Variants in CRPPA observed in about 807,000 individuals in gnomAD.
CRPPA encodes CDP-L-ribitol pyrophosphorylase A, also known as D-ribitol-5-phosphate cytidylyltransferase.
A neutral mutation model predicts 52.0 loss-of-function variants in CRPPA; 43 were observed. The observed-to-expected ratio is 0.83, with a 90% CI of 0.65 to 1.07. The LOEUF is 1.07. Ranked by LOEUF, CRPPA falls within the 50% of genes least tolerant of loss-of-function variation. The probability of loss-of-function intolerance (pLI) is 0.00; values close to 1 mark genes in which losing one functional copy is unlikely to be tolerated. For synonymous variants in CRPPA, 250 were observed against 203.5 expected (o/e 1.23, Z -1.94); for missense variants, 629 against 551.7 (o/e 1.14, Z -1.40).
At position 16,339,476 on chromosome 7, in the gene CRPPA, C is replaced by G. The variant is rs540612760; in HGVS notation, c.685-30849G>C. Among the ~76,000 whole-genome samples the G allele has an allele frequency of 3.9e-5, 6 of 152,072 alleles. No homozygotes were observed. In the East Asian group the frequency reaches 1.2e-3, roughly 30 times the overall value. On this transcript the variant is annotated intron_variant, in intron 3 of 9. Transcript: ENST00000407010. ...TGATCATATCAATAGATGGAGAAAA[C>G]GTATTTGATAAAAATCCAACACCCA... is the stretch of plus-strand genomic sequence containing the variant.
At chr7:16,240,624 A>C (rs2128406177) in intron 8 of CRPPA, among the ~76,000 whole-genome samples, 1 of 150,850 alleles carries the variant, frequency 6.6e-6, no homozygotes, top group East Asian at 1.9e-4. Flanking sequence ...CTATTCATTT[A>C]AAAATGTAAA....
intron 3 of CRPPA, among the ~76,000 whole-genome samples, chr7:16,370,321 T>C (rs1002464318): frequency 4.6e-5 from 7 of 152,248 alleles, no homozygotes; most frequent in African/African-American, 1.4e-4. Flanking sequence ...CTGAAAGCCA[T>C]AGTTGCTATT....
chr7:16,303,719 T>A (rs950385909), intron 4 of CRPPA, among the ~76,000 whole-genome samples: 1 of 152,158 alleles, frequency 6.6e-6, no homozygotes, highest in African/African-American at 2.4e-5. Flanking sequence ...GCTGGATAAC[T>A]ATATAAAAAT....
At chr7:16,348,816 C>A (rs1378721254) in intron 3 of CRPPA, among the ~76,000 whole-genome samples, 3 of 152,204 alleles carry the variant, frequency 2.0e-5, no homozygotes, top group African/African-American at 7.2e-5. Context: ...TACTTCAGGT[C>A]TACCCACTCT....
At chr7:16,291,972 T>C (rs534534293) in intron 5 of CRPPA, among the ~76,000 whole-genome samples, 1 of 152,046 alleles carries the variant, frequency 6.6e-6, no homozygotes, top group South Asian at 2.1e-4. Context: ...GTAGAAAATT[T>C]CAATTATGCA....
At chr7:16,334,249 T>C (rs746928747) in intron 3 of CRPPA, among the ~76,000 whole-genome samples, 14 of 152,284 alleles carry the variant, frequency 9.2e-5, no homozygotes, top group Admixed American at 3.3e-4. Flanking sequence ...AAGAAGCAAC[T>C]ACAGGTCAGC....
At chr7:16,294,855 A>G (rs1279400375) in intron 5 of CRPPA, among the ~76,000 whole-genome samples, 1 of 152,068 alleles carries the variant, frequency 6.6e-6, no homozygotes, top group African/African-American at 2.4e-5. Flanking sequence ...CTGGTCACAG[A>G]TGTGGAAAAC....
At chr7:16,398,441 T>C (rs1440818169) in intron 2 of CRPPA, among the ~76,000 whole-genome samples, 1 of 151,460 alleles carries the variant, frequency 6.6e-6, no homozygotes, top group African/African-American at 2.4e-5. Context: ...GTGACCGAGG[T>C]TTGTGACACG....
intron 5 of CRPPA, among the ~76,000 whole-genome samples, chr7:16,296,939 C>A (rs868461646): frequency 6.6e-6 from 1 of 152,126 alleles, no homozygotes; most frequent in South Asian, 2.1e-4. Context: ...ATCACACCAG[C>A]TGAAGGTATA....
chr7:16,407,443 A>T (rs1238917669), intron 1 of CRPPA, among the ~76,000 whole-genome samples: 3 of 152,214 alleles, frequency 2.0e-5, no homozygotes, highest in Non-Finnish European at 2.9e-5. Flanking sequence ...AGCCCAAACC[A>T]AGACAACGGT....
At chr7:16,288,506 T>C (rs149167135) in intron 5 of CRPPA, among the ~76,000 whole-genome samples, 1 of 151,946 alleles carries the variant, frequency 6.6e-6, no homozygotes, top group East Asian at 1.9e-4. Context: ...AAACCCAAAA[T>C]TTGTAGAAGG....
chr7:16,101,042 G>C lies in CRPPA; in HGVS notation c.1252-9243C>G, dbSNP rs147235868. 9.5e-4 allele frequency among the ~76,000 whole-genome samples: 145 copies of C among 152,262 alleles called. 1 individual carries two copies. The highest frequency in any genetic ancestry group is 3.2e-3 in the African/African-American group (134 of 41,564). On this transcript the variant is annotated intron_variant, in intron 9 of 9. Coordinates refer to ENST00000407010, the MANE Select transcript of CRPPA (RefSeq NM_001101426.4). Reference sequence around the variant, plus strand: ...GGATAAGCTTTTTGATGTGCTGCTGGAATTGGCTTGCCAGTATTTTATTGA... The same window carrying C: ...GGATAAGCTTTTTGATGTGCTGCTGCAATTGGCTTGCCAGTATTTTATTGA...
At chr7:16,303,189 T>G (rs1335429155) in intron 4 of CRPPA, among the ~76,000 whole-genome samples, 1 of 152,136 alleles carries the variant, frequency 6.6e-6, no homozygotes, top group Non-Finnish European at 1.5e-5. Flanking sequence ...TGAACAACTT[T>G]TTATCTGTGT....
chr7:16,419,048 C>T (rs1788263165), intron 1 of CRPPA, among the ~76,000 whole-genome samples: 1 of 152,190 alleles, frequency 6.6e-6, no homozygotes. Flanking sequence ...ATGTTCATGG[C>T]ACTGGAATAT....
At chr7:16,398,340 AAC>A (rs1390539739) in intron 2 of CRPPA, among the ~76,000 whole-genome samples, 2 of 146,142 alleles carry the variant, frequency 1.4e-5, no homozygotes, top group Non-Finnish European at 3.0e-5. Flanking sequence ...ATACGTTATC[AAC>A]ACGTGTGACA....
At chr7:16,106,376 T>C (rs1429603725) in intron 9 of CRPPA, among the ~76,000 whole-genome samples, 1 of 152,134 alleles carries the variant, frequency 6.6e-6, no homozygotes, top group Non-Finnish European at 1.5e-5. Context: ...CAGCTATAGA[T>C]CCCAAAGAGT....
chr7:16,399,585 C>T (rs542496887), intron 2 of CRPPA, among the ~76,000 whole-genome samples: 13 of 151,868 alleles, frequency 8.6e-5, no homozygotes, highest in African/African-American at 2.4e-4. Flanking sequence ...ATGTGACAAG[C>T]GACTTACACG....
intron 3 of CRPPA, among the ~76,000 whole-genome samples, chr7:16,314,341 T>C (rs1051346637): frequency 2.0e-5 from 3 of 152,078 alleles, no homozygotes; most frequent in South Asian, 2.1e-4. Flanking sequence ...ACTTGGTGAA[T>C]AGGGCAAGTG....
intron 9 of CRPPA, among the ~76,000 whole-genome samples, chr7:16,181,176 C>T (rs1338466587): frequency 1.3e-5 from 2 of 151,560 alleles, no homozygotes; most frequent in East Asian, 1.9e-4. Flanking sequence ...CACAACTATA[C>T]GATTAAATAA....
Sources: gnomAD v4.1 joint callset for allele counts (sites outside exome capture counted in the v4.1 genomes callset) on GRCh38, gnomAD v4.1.1 for gene constraint, MANE v1.5 for transcripts, NCBI Gene and HGNC (gene_info 2026-07-23, HGNC 2026-07-21) for gene names.